SCEL: variants seen among roughly 807,000 people sequenced by gnomAD.
SCEL encodes the protein sciellin.
In SCEL, 113 loss-of-function variants were observed where a neutral mutation model predicts 117.6. The ratio of observed to expected loss-of-function variants is 0.96; its 90% CI spans 0.83 to 1.12. The LOEUF (loss-of-function observed/expected upper bound fraction) is 1.12. SCEL is among the 50% of genes most tolerant of loss of function. The pLI is 0.00. For missense variants in SCEL, 785 were observed against 810.8 expected (o/e 0.97, Z 0.39); for synonymous variants, 270 against 256.2 (o/e 1.05, Z -0.51).
At chr13:77,561,937 T>A (rs1413771148) in intron 4 of SCEL, among the ~76,000 whole-genome samples, 1 of 151,866 alleles carries the variant, frequency 6.6e-6, no homozygotes, top group East Asian at 1.9e-4. Context: ...CTGGCATGAG[T>A]GGGGTCTGAA....
In SCEL at chr13:77,572,107, G is replaced by T. The variant is rs764659222; in HGVS notation, c.480-17G>T. Reference sequence around the variant, plus strand: ...CCTTTCAATCACAATGTTTATTACCGTGTCATTTCTTAACAGGCAGTCCTG... The same window carrying T: ...CCTTTCAATCACAATGTTTATTACCTTGTCATTTCTTAACAGGCAGTCCTG... On this transcript the variant is annotated splice_polypyrimidine_tract_variant and intron_variant, in intron 8 of 32. Coordinates refer to ENST00000349847, the MANE Select transcript of SCEL (RefSeq NM_144777.3). 6.2e-7 allele frequency: 1 copy of T among 1,606,186 alleles called. No homozygotes were observed. Among genetic ancestry groups the T allele is most frequent in the Non-Finnish European group, 8.5e-7 (1 of 1,173,264 alleles).
At chr13:77,638,968 C>T (rs1266583665) in intron 30 of SCEL, among the ~76,000 whole-genome samples, 1 of 152,088 alleles carries the variant, frequency 6.6e-6, no homozygotes, top group Non-Finnish European at 1.5e-5. Flanking sequence ...CTGACTTCAC[C>T]CCAGGGGTTA....
At chr13:77,559,390 G>T (rs915516258) in intron 3 of SCEL, among the ~76,000 whole-genome samples, 1 of 152,202 alleles carries the variant, frequency 6.6e-6, no homozygotes, top group African/African-American at 2.4e-5. Context: ...ATACCCAGAC[G>T]TAATGGGCTT....
At chr13:77,570,883 T>C (rs1183855567) in intron 8 of SCEL, among the ~76,000 whole-genome samples, 9 of 151,870 alleles carry the variant, frequency 5.9e-5, no homozygotes, top group Non-Finnish European at 1.2e-4. Context: ...TTTTTTGGAG[T>C]GTGCAGTGGT....
intron 1 of SCEL, among the ~76,000 whole-genome samples, chr13:77,538,880 GAT>G (rs1381362767): frequency 7.9e-5 from 12 of 152,152 alleles, no homozygotes; most frequent in Admixed American, 3.9e-4. Context: ...TCCAAACTGA[GAT>G]ATATACATCC....
chr13:77,562,500 C>T (rs2085041262), intron 4 of SCEL, among the ~76,000 whole-genome samples: 1 of 152,170 alleles, frequency 6.6e-6, no homozygotes, highest in African/African-American at 2.4e-5. Context: ...CCCTCCAAGG[C>T]CCAGCTCAAA....
At chr13:77,590,711 A>G (rs1037292188) in intron 10 of SCEL, among the ~76,000 whole-genome samples, 1 of 152,100 alleles carries the variant, frequency 6.6e-6, no homozygotes, top group Non-Finnish European at 1.5e-5. Flanking sequence ...CTTTAATCAC[A>G]GCAAGATGAT....
intron 10 of SCEL, 39 bp from the exon 11 acceptor site, chr13:77,591,356 T>G (rs1190860251): frequency 8.0e-7 from 1 of 1,246,750 alleles, no homozygotes; most frequent in Non-Finnish European, 1.2e-6. Context: ...AAGTGTTTTC[T>G]TTTCTGACTG....
intron 1 of SCEL, among the ~76,000 whole-genome samples, chr13:77,539,015 C>T (rs895349456): frequency 6.6e-6 from 1 of 152,142 alleles, no homozygotes; most frequent in African/African-American, 2.4e-5. Context: ...ATTGCCCTGC[C>T]CTCTCCCCAG....
At chr13:77,550,159 G>C (rs1567337247) in intron 1 of SCEL, among the ~76,000 whole-genome samples, 1 of 151,894 alleles carries the variant, frequency 6.6e-6, no homozygotes, top group African/African-American at 2.4e-5. Flanking sequence ...GCTGAGGCAG[G>C]TGGATGGCTT....
chr13:77,629,923 T>C (rs1212133051), intron 28 of SCEL, among the ~76,000 whole-genome samples: 1 of 152,204 alleles, frequency 6.6e-6, no homozygotes, highest in Non-Finnish European at 1.5e-5. Context: ...AGAATTCTTC[T>C]GGATTGGGGG....
chr13:77,602,948 A>C (rs966798202), intron 17 of SCEL, 128 bp from the exon 18 acceptor site: 27 of 646,992 alleles, frequency 4.2e-5, no homozygotes, highest in Non-Finnish European at 5.8e-5. Context: ...TTTTATACTT[A>C]AAGCCAATTT....
chr13:77,578,149 A>G (rs2086060958), intron 9 of SCEL, among the ~76,000 whole-genome samples: 1 of 152,142 alleles, frequency 6.6e-6, no homozygotes, highest in African/African-American at 2.4e-5. Context: ...TGTTTATTCA[A>G]TCATCATTGC....
chr13:77,593,254 A>AGG (rs66818286), intron 11 of SCEL, among the ~76,000 whole-genome samples: 2 of 125,896 alleles, frequency 1.6e-5, no homozygotes, highest in African/African-American at 6.3e-5. Flanking sequence ...GGAATAACAG[A>AGG]GGGGAGTGTG....
chr13:77,573,025 C>T lies in SCEL; in HGVS notation c.545+836C>T, dbSNP rs568189257. Among the ~76,000 whole-genome samples the T allele has an allele frequency of 5.3e-5, 8 of 152,146 alleles. No homozygotes were observed. The East Asian group carries it at 5.8e-4, about 11-fold the overall frequency. The stretch of plus-strand genomic sequence containing the variant: ...TGGCAAGTTGTTCATAAACGTTAAG[C>T]GACAAATGAATATTTTCTAATTTTA... On this transcript the variant is annotated intron_variant, in intron 9 of 32. Transcript: ENST00000349847.
At chr13:77,550,269 C>G (rs529088474) in intron 1 of SCEL, among the ~76,000 whole-genome samples, 1 of 151,734 alleles carries the variant, frequency 6.6e-6, no homozygotes, top group East Asian at 1.9e-4. Flanking sequence ...ACCTGTAGTC[C>G]AAGCTACTCA....
chr13:77,633,317 T>TC (rs1434027031), intron 28 of SCEL, among the ~76,000 whole-genome samples: 1 of 149,348 alleles, frequency 6.7e-6, no homozygotes, highest in Non-Finnish European at 1.5e-5. Context: ...GCGCCTGTAG[T>TC]CCCAGCTACT....
intron 1 of SCEL, among the ~76,000 whole-genome samples, chr13:77,552,351 G>C (rs1175482311): frequency 2.7e-4 from 41 of 151,708 alleles, no homozygotes; most frequent in African/African-American, 6.3e-4. Flanking sequence ...TCCTCTCCAG[G>C]ACCTGTTGTT....
At chr13:77,581,991 A>G (rs2086287920) in intron 9 of SCEL, among the ~76,000 whole-genome samples, 1 of 152,088 alleles carries the variant, frequency 6.6e-6, no homozygotes, top group Admixed American at 6.6e-5. Flanking sequence ...TGATAGGGAC[A>G]TGCTGTGGTG....
Sources: gnomAD v4.1 joint callset for allele counts (sites outside exome capture counted in the v4.1 genomes callset) on GRCh38, gnomAD v4.1.1 for gene constraint, MANE v1.5 for transcripts, NCBI Gene and HGNC (gene_info 2026-07-23, HGNC 2026-07-21) for gene names.